ANXA6: variants seen among roughly 807,000 people sequenced by gnomAD.
ANXA6 encodes annexin A6.
In ANXA6, 71 loss-of-function variants were observed where a neutral mutation model predicts 95.4. The observed-to-expected ratio is 0.74, with a 90% confidence interval of 0.61 to 0.91. The LOEUF is 0.91. Ranked by LOEUF, ANXA6 falls within the 40% of genes least tolerant of loss-of-function variation. The pLI, the probability that ANXA6 is intolerant of heterozygous loss-of-function variation, is 0.00. For synonymous variants in ANXA6, 289 were observed against 315.9 expected (o/e 0.91, Z 0.90); for missense variants, 830 against 876.4 (o/e 0.95, Z 0.67).
intron 12 of ANXA6, chr5:151,128,493 A>G (rs193036411): frequency 4.3e-6 from 2 of 462,788 alleles, no homozygotes; most frequent in East Asian, 3.9e-5. Flanking sequence ...CAAGTTACCA[A>G]TATGACTTTG....
chr5:151,119,723 A>C (rs531329606), intron 17 of ANXA6, among the ~76,000 whole-genome samples: 1 of 152,378 alleles, frequency 6.6e-6, no homozygotes, highest in Non-Finnish European at 1.5e-5. Context: ...GGACACGCAC[A>C]TGCCTCACAG....
At position 151,139,531 on chromosome 5, in the gene ANXA6, C is replaced by T. The variant is rs1561582453; in HGVS notation, c.110-84G>A. 6 of 885,376 alleles carry T rather than the reference C, an allele frequency of 6.8e-6. No homozygotes were observed. In the East Asian group the frequency reaches 1.3e-4, roughly 19 times the overall value. 54.8% of individuals were successfully genotyped at this position (885,376 alleles called of 1,614,324 possible). A position where few individuals can be genotyped will look rare whatever the true frequency, so the allele number is the denominator to read the frequency against. ...GGCCACTTCCTTCCCTGGACACAGGCCTAGTAGCTCCCTGCAGGCCTCAGC... is the reference window on the plus strand; with the variant it reads ...GGCCACTTCCTTCCCTGGACACAGGTCTAGTAGCTCCCTGCAGGCCTCAGC... On this transcript the variant is annotated intron_variant, in intron 3 of 25. Coordinates refer to ENST00000354546, the MANE Select transcript of ANXA6 (RefSeq NM_001155.5).
chr5:151,146,388 A>G (rs1490175580), intron 2 of ANXA6, among the ~76,000 whole-genome samples: 1 of 152,176 alleles, frequency 6.6e-6, no homozygotes, highest in African/African-American at 2.4e-5. Flanking sequence ...ACTTGTACAC[A>G]CAGTATACTC....
Position 151,140,240 on chromosome 5 carries a change from C to T in ANXA6, c.22G>A (p.Ala8Thr). 3 of 1,613,834 alleles carry T rather than the reference C, an allele frequency of 1.9e-6. No homozygotes were observed. The highest frequency in any genetic ancestry group is 2.5e-6 in the Non-Finnish European group (3 of 1,179,816). Residue 8 changes from alanine to threonine, a missense_variant, in exon 3 of 26, where the codon GCC becomes ACC. Ala to Thr is a moderately conservative substitution (Grantham distance 58). Coordinates refer to ENST00000354546, the MANE Select transcript of ANXA6 (RefSeq NM_001155.5). Reference sequence around the variant, plus strand: ...TCATGGATGGAGCCCCGGTACTTGGCACCCTGTGGAGAAAAAAGTAGAGGG... The same window carrying T: ...TCATGGATGGAGCCCCGGTACTTGGTACCCTGTGGAGAAAAAAGTAGAGGG... MAKPAQG[A>T]KYRGSIHDFP...
intron 20 of ANXA6, among the ~76,000 whole-genome samples, chr5:151,113,325 C>A (rs1339308669): frequency 6.6e-6 from 1 of 152,112 alleles, no homozygotes; most frequent in Non-Finnish European, 1.5e-5. Context: ...TCACTTGAAT[C>A]CGGGAGGTGG....
intron 19 of ANXA6, among the ~76,000 whole-genome samples, chr5:151,117,502 G>C (rs1394129332): frequency 1.3e-5 from 2 of 152,200 alleles, no homozygotes. Flanking sequence ...ATATGGCTTT[G>C]TCCTGTGAGC....
intron 2 of ANXA6, among the ~76,000 whole-genome samples, chr5:151,147,669 C>T (rs1357539576): frequency 1.3e-5 from 2 of 152,214 alleles, no homozygotes. Context: ...AATACACATC[C>T]TTTTCTGCTT....
intron 13 of ANXA6, among the ~76,000 whole-genome samples, chr5:151,127,642 T>C (rs1036518117): frequency 6.6e-6 from 1 of 152,190 alleles, no homozygotes; most frequent in Non-Finnish European, 1.5e-5. Context: ...GGCATCTCTG[T>C]GTGCTTTTAT....
chr5:151,126,275 TC>T, intron 14 of ANXA6, 126 bp downstream of exon 14: 1 of 759,260 alleles, frequency 1.3e-6, no homozygotes, highest in Non-Finnish European at 2.3e-6. Flanking sequence ...AAAGGAAGCT[TC>T]AGATGTGAGA....
chr5:151,123,244 T>C (rs532169068), intron 15 of ANXA6, among the ~76,000 whole-genome samples: 1 of 152,244 alleles, frequency 6.6e-6, no homozygotes, highest in East Asian at 1.9e-4. Flanking sequence ...AGCTGGGAGG[T>C]AGAGAGCACT....
intron 8 of ANXA6, among the ~76,000 whole-genome samples, chr5:151,133,520 G>T (rs1176161441): frequency 6.6e-6 from 1 of 152,188 alleles, no homozygotes; most frequent in Non-Finnish European, 1.5e-5. Flanking sequence ...GAATACTGTA[G>T]GCAACTGCAA....
chr5:151,126,996 C>T (rs4358509), intron 13 of ANXA6, among the ~76,000 whole-genome samples: 24,247 of 152,254 alleles, frequency 0.16, 2,085 homozygotes, highest in South Asian at 0.22. Flanking sequence ...GGATTACAGG[C>T]GCTGAGCCAC....
intron 15 of ANXA6, 129 bp from the exon 16 acceptor site, chr5:151,123,140 T>C: frequency 1.3e-6 from 1 of 774,860 alleles, no homozygotes; most frequent in Non-Finnish European, 2.2e-6. Flanking sequence ...CATGTGCTCC[T>C]GAGTCCCTGC....
intron 17 of ANXA6, among the ~76,000 whole-genome samples, chr5:151,120,911 C>G (rs1219424812): frequency 6.6e-6 from 1 of 152,168 alleles, no homozygotes; most frequent in African/African-American, 2.4e-5. Flanking sequence ...GTCTAGCCCT[C>G]GTCTCCCCCT....
chr5:151,145,590 G>C (rs1281561993), intron 2 of ANXA6, among the ~76,000 whole-genome samples: 2 of 152,160 alleles, frequency 1.3e-5, no homozygotes, highest in African/African-American at 4.8e-5. Context: ...CAGAGAAGAC[G>C]GAGCAGTTTG....
chr5:151,118,440 TTTG>T, intron 18 of ANXA6, among the ~76,000 whole-genome samples: 1 of 151,966 alleles, frequency 6.6e-6, no homozygotes, highest in Non-Finnish European at 1.5e-5. Flanking sequence ...TTTTTTGTTT[TTTG>T]TTTTTTTTGA....
At chr5:151,152,823 T>C (rs1766140424) in intron 1 of ANXA6, among the ~76,000 whole-genome samples, 2 of 152,046 alleles carry the variant, frequency 1.3e-5, no homozygotes, top group South Asian at 2.1e-4. Flanking sequence ...CCAGGAAGAA[T>C]AGTAACACCA....
chr5:151,110,537 A>G, intron 21 of ANXA6, 90 bp downstream of exon 21: 2 of 1,449,596 alleles, frequency 1.4e-6, no homozygotes, highest in East Asian at 2.4e-5. Flanking sequence ...CAAGCTCCCA[A>G]ATCACTGCTC....
intron 17 of ANXA6, among the ~76,000 whole-genome samples, chr5:151,121,727 C>T (rs1243013704): frequency 6.6e-6 from 1 of 152,154 alleles, no homozygotes; most frequent in African/African-American, 2.4e-5. Context: ...TCCATGAGAC[C>T]CTTCTGACAC....
Sources: allele counts gnomAD v4.1 joint callset (sites outside exome capture counted in the v4.1 genomes callset), GRCh38; gene constraint gnomAD v4.1.1; transcripts MANE v1.5; gene names NCBI Gene and HGNC (gene_info 2026-07-23, HGNC 2026-07-21).